CTNNA3: variants seen among roughly 807,000 people sequenced by gnomAD.
The protein encoded by CTNNA3 is catenin alpha-3.
In CTNNA3, 76 loss-of-function variants were observed where a neutral mutation model predicts 95.7. The ratio of observed to expected loss-of-function variants is 0.79; its 90% CI spans 0.66 to 0.96. The LOEUF is 0.96. CTNNA3 is among the 40% of genes least tolerant of loss of function. CTNNA3 has a pLI of 0.00. For missense variants in CTNNA3, 1,191 were observed against 1,089.8 expected (o/e 1.09, Z -1.31); for synonymous variants, 431 against 374.4 (o/e 1.15, Z -1.74).
Position 66,890,169 on chromosome 10 carries a change from A to G in CTNNA3, c.1048-114645T>C, listed in dbSNP as rs149150164. Among the ~76,000 whole-genome samples, 678 of 152,282 alleles carry G rather than the reference A, an allele frequency of 4.5e-3. 3 individuals carry two copies. The highest frequency in any genetic ancestry group is 0.015 in the African/African-American group (639 of 41,550). On this transcript the variant is annotated intron_variant, in intron 7 of 17. Transcript: ENST00000433211. ...GTAAGGTTTGAAACAACCTTTAGAC[A>G]TCTCAGTGGAGATGCAGAATAGATA...
chr10:67,637,670 C>A lies in CTNNA3; in HGVS notation c.99+9745G>T, dbSNP rs561587327. 7.9e-5 allele frequency among the ~76,000 whole-genome samples: 12 copies of A among 152,292 alleles called. No homozygotes were observed. In the South Asian group the frequency reaches 2.5e-3, roughly 32 times the overall value. ...ATCAGACTAATAGCTGATCTCTCGG[C>A]AGAAACTCTACAAGCCAGAAGAGAG... On this transcript the variant is annotated intron_variant, in intron 2 of 17. Coordinates refer to ENST00000433211, the MANE Select transcript of CTNNA3 (RefSeq NM_013266.4).
chr10:67,637,857 A>C (rs1171580787), intron 2 of CTNNA3, among the ~76,000 whole-genome samples: 1 of 152,210 alleles, frequency 6.6e-6, no homozygotes, highest in Admixed American at 6.5e-5. Context: ...AGAGCTCCTG[A>C]AGGAAGCACT....
chr10:66,693,171 C>A (rs746003893), intron 9 of CTNNA3, among the ~76,000 whole-genome samples: 2 of 151,984 alleles, frequency 1.3e-5, no homozygotes, highest in Non-Finnish European at 2.9e-5. Context: ...GACTGGCAAA[C>A]TGGATAAAGT....
chr10:67,100,778 C>T (rs1413831284), intron 7 of CTNNA3, among the ~76,000 whole-genome samples: 1 of 151,644 alleles, frequency 6.6e-6, no homozygotes, highest in East Asian at 1.9e-4. Context: ...TTCATAACAA[C>T]CCTATGAAGA....
intron 14 of CTNNA3, among the ~76,000 whole-genome samples, chr10:66,095,009 GA>G (rs1222647849): frequency 1.1e-4 from 16 of 152,118 alleles, no homozygotes; most frequent in African/African-American, 3.9e-4. Context: ...TAGATTAGTG[GA>G]TTAAGGTGGT....
Position 67,539,510 on chromosome 10 carries a change from A to C in CTNNA3, c.452T>G (p.Val151Gly), listed in dbSNP as rs756167695. The C allele has an allele frequency of 1.2e-5, 20 of 1,613,212 alleles. No individual in the cohort carries two copies. Among genetic ancestry groups the C allele is most frequent in the Middle Eastern group, 3.3e-4 (2 of 6,076 alleles). The part of the protein sequence containing the change: ...MIDVMCLLQH[V>G]SAFQRTFESL... ...AAGCCATCTTTTACTTACAGCTGAC[A>C]CATGTTGCAAGAGGCACATGACATC... is the stretch of plus-strand genomic sequence containing the variant. Residue 151 changes from valine to glycine, a missense_variant, in exon 4 of 18, where the codon GTG (valine) becomes GGG (glycine). Physicochemically the swap from Val to Gly is moderately radical, Grantham distance 109 (BLOSUM62 -3). Transcript: ENST00000433211.
At chr10:67,327,831 G>A (rs545472787) in intron 5 of CTNNA3, among the ~76,000 whole-genome samples, 12 of 152,298 alleles carry the variant, frequency 7.9e-5, no homozygotes, top group South Asian at 6.2e-4. Flanking sequence ...GGGGGCCTCC[G>A]CTGGTGACTG....
chr10:67,385,569 A>T (rs1844122005), intron 5 of CTNNA3, among the ~76,000 whole-genome samples: 1 of 152,222 alleles, frequency 6.6e-6, no homozygotes, highest in African/African-American at 2.4e-5. Flanking sequence ...TTGATTGTAC[A>T]AATATCTATA....
intron 1 of CTNNA3, among the ~76,000 whole-genome samples, chr10:67,702,695 C>G (rs1487470483): frequency 1.3e-5 from 2 of 152,104 alleles, no homozygotes; most frequent in Non-Finnish European, 2.9e-5. Context: ...AAATTGACAA[C>G]CTAACATCAC....
At chr10:65,949,113 T>C (rs1301175685) in intron 17 of CTNNA3, among the ~76,000 whole-genome samples, 1 of 152,206 alleles carries the variant, frequency 6.6e-6, no homozygotes. Flanking sequence ...TTTTTGCTTG[T>C]CTTTTCTTTC....
chr10:66,588,263 G>A (rs1843428373), intron 10 of CTNNA3, among the ~76,000 whole-genome samples: 1 of 152,082 alleles, frequency 6.6e-6, no homozygotes, highest in South Asian at 2.1e-4. Flanking sequence ...CACACACTCT[G>A]GAGACTCACA....
At chr10:66,506,503 C>T (rs1381016477) in intron 11 of CTNNA3, among the ~76,000 whole-genome samples, 1 of 152,170 alleles carries the variant, frequency 6.6e-6, no homozygotes, top group African/African-American at 2.4e-5. Context: ...AATAATCCAG[C>T]TGAACAGCTG....
At chr10:66,222,855 A>G (rs1456951213) in intron 13 of CTNNA3, among the ~76,000 whole-genome samples, 4 of 152,158 alleles carry the variant, frequency 2.6e-5, no homozygotes, top group African/African-American at 9.7e-5. Context: ...CTTAAAAATA[A>G]AACTAATTCT....
chr10:65,913,186 T>A lies in CTNNA3; in HGVS notation c.*7144A>T, dbSNP rs1351068463. 1 of 152,162 alleles carries A rather than the reference T, an allele frequency of 6.6e-6. No individual in the cohort carries two copies. Among genetic ancestry groups the A allele is most frequent in the Non-Finnish European group, 1.5e-5 (1 of 68,032 alleles). The allele number at this position is 152,162 out of a possible 1,614,324, so 9.4% of individuals were successfully genotyped here. A position where few individuals can be genotyped will look rare whatever the true frequency, so the allele number is the denominator to read the frequency against. On this transcript the variant is annotated 3_prime_UTR_variant, in exon 18 of 18. Transcript: ENST00000433211. The stretch of plus-strand genomic sequence containing the variant: ...GTCACTACATTTAAGCTGTCAAAGT[T>A]GTTGTTGTAATACGACATAAAGTAA...
At chr10:67,190,587 T>C (rs921317127) in intron 6 of CTNNA3, among the ~76,000 whole-genome samples, 2 of 152,030 alleles carry the variant, frequency 1.3e-5, no homozygotes, top group Non-Finnish European at 2.9e-5. Context: ...CAAACGTTTA[T>C]TACTCTTTTA....
chr10:67,563,946 C>T (rs1320291221), intron 3 of CTNNA3, among the ~76,000 whole-genome samples: 1 of 148,922 alleles, frequency 6.7e-6, no homozygotes, highest in African/African-American at 2.5e-5. Context: ...CAATGAGATA[C>T]CATCTCACAC....
chr10:66,032,263 C>A (rs1195198279), intron 15 of CTNNA3, among the ~76,000 whole-genome samples: 1 of 151,962 alleles, frequency 6.6e-6, no homozygotes, highest in Non-Finnish European at 1.5e-5. Flanking sequence ...TAATTACTAA[C>A]CTAACTAACA....
chr10:67,019,551 C>G (rs1227458453), intron 7 of CTNNA3, among the ~76,000 whole-genome samples: 1 of 152,098 alleles, frequency 6.6e-6, no homozygotes, highest in Non-Finnish European at 1.5e-5. Context: ...CTTGCAAGAA[C>G]TTTATCGTAT....
At chr10:66,162,011 T>C (rs2084875635) in intron 13 of CTNNA3, among the ~76,000 whole-genome samples, 1 of 152,162 alleles carries the variant, frequency 6.6e-6, no homozygotes, top group African/African-American at 2.4e-5. Flanking sequence ...TTACAGAGCA[T>C]TCTGCATTTC....
Sources: gnomAD v4.1 joint callset for allele counts (sites outside exome capture counted in the v4.1 genomes callset) on GRCh38, gnomAD v4.1.1 for gene constraint, MANE v1.5 for transcripts, NCBI Gene and HGNC (gene_info 2026-07-23, HGNC 2026-07-21) for gene names.